Variants in SH2D4A observed in about 807,000 individuals in gnomAD.
SH2D4A encodes the protein SH2 domain containing 4A.
In SH2D4A, 70 loss-of-function variants were observed where a neutral mutation model predicts 64.7. The ratio of observed to expected loss-of-function variants is 1.08; its 90% CI spans 0.89 to 1.32. The LOEUF is 1.32. Ranked by LOEUF, SH2D4A falls within the 40% of genes most tolerant of loss-of-function variation. The pLI, the probability that SH2D4A is intolerant of heterozygous loss-of-function variation, is 0.00. For synonymous variants in SH2D4A, 268 were observed against 200.7 expected (o/e 1.34, Z -2.83); for missense variants, 706 against 540.1 (o/e 1.31, Z -3.04).
intron 1 of SH2D4A, among the ~76,000 whole-genome samples, chr8:19,317,164 A>T (rs1172387945): frequency 6.6e-6 from 1 of 152,128 alleles, no homozygotes; most frequent in Non-Finnish European, 1.5e-5. Context: ...ACTTAAGGAC[A>T]TTTACTGGAA....
At chr8:19,317,760 TA>T (rs1411042492) in intron 1 of SH2D4A, among the ~76,000 whole-genome samples, 1 of 152,156 alleles carries the variant, frequency 6.6e-6, no homozygotes, top group African/African-American at 2.4e-5. Context: ...ACGATGGTCA[TA>T]ATATAGCTAA....
intron 2 of SH2D4A, among the ~76,000 whole-genome samples, chr8:19,325,612 CCTCT>C (rs1020188853): frequency 6.6e-6 from 1 of 152,064 alleles, no homozygotes; most frequent in Non-Finnish European, 1.5e-5. Flanking sequence ...TCACTGATGT[CCTCT>C]CTCTATTTTC....
intron 2 of SH2D4A, among the ~76,000 whole-genome samples, chr8:19,327,445 C>G (rs928958858): frequency 6.6e-6 from 1 of 152,136 alleles, no homozygotes; most frequent in African/African-American, 2.4e-5. Flanking sequence ...CTTAAGAAAG[C>G]ACACTTAAGG....
intron 6 of SH2D4A, 58 bp from the exon 7 acceptor site, chr8:19,364,014 C>G (rs1299184440): frequency 9.0e-6 from 14 of 1,547,422 alleles, no homozygotes; most frequent in African/African-American, 1.4e-5. Flanking sequence ...GAATGCTGAG[C>G]CTTCTCACCT....
intron 8 of SH2D4A, among the ~76,000 whole-genome samples, chr8:19,377,804 T>C (rs545719113): frequency 1.1e-4 from 16 of 152,164 alleles, no homozygotes; most frequent in Admixed American, 5.2e-4. Flanking sequence ...TAAACACATA[T>C]GATCATTTCT....
At position 19,385,213 on chromosome 8, in the gene SH2D4A, G is replaced by GTT. The variant is rs372352861; in HGVS notation, c.1049-8092_1049-8091dup. 4.5e-3 allele frequency among the ~76,000 whole-genome samples: 633 copies of GTT among 140,496 alleles called. 8 individuals carry two copies. The highest frequency in any genetic ancestry group is 0.016 in the African/African-American group (604 of 38,222). The allele number at this position is 140,496 out of a possible 152,430, so 92.2% of individuals were successfully genotyped here. On this transcript the variant is annotated intron_variant, in intron 8 of 9. Transcript: ENST00000265807. Reference sequence around the variant, plus strand: ...TAGTTCACACTTCAGCTGTTTTTTTGTTTTTTTTTTTTTTGAGACAGAGTC... The same window carrying GTT: ...TAGTTCACACTTCAGCTGTTTTTTTGTTTTTTTTTTTTTTTTGAGACAGAGTC...
intron 2 of SH2D4A, 114 bp from the exon 3 acceptor site, chr8:19,332,841 T>C (rs1389207464): frequency 2.5e-6 from 2 of 815,746 alleles, no homozygotes; most frequent in Non-Finnish European, 3.5e-6. Context: ...TTGTCTCATC[T>C]GATATATATA....
At chr8:19,314,109 T>G in intron 1 of SH2D4A, 2 of 1,137,140 alleles carry the variant, frequency 1.8e-6, no homozygotes, top group Non-Finnish European at 2.2e-6. Context: ...GCCTGGGGGC[T>G]TGCAGGGGGT....
chr8:19,319,364 G>A lies in SH2D4A; in HGVS notation c.-184G>A, dbSNP rs561134610. The A allele has an allele frequency of 3.0e-5, 37 of 1,251,436 alleles. No homozygotes were observed. The South Asian group carries it at 3.1e-4, about 11-fold the overall frequency. The allele number at this position is 1,251,436 out of a possible 1,614,324, so 77.5% of individuals were successfully genotyped here. A position where few individuals can be genotyped will look rare whatever the true frequency, so the allele number is the denominator to read the frequency against. ...TGCAGGTTCAGTGAACAGCATTTTGGACAGGACATTTGGTGCCAGGTCTGA... is the reference window on the plus strand; with the variant it reads ...TGCAGGTTCAGTGAACAGCATTTTGAACAGGACATTTGGTGCCAGGTCTGA... On this transcript the variant is annotated 5_prime_UTR_variant, in exon 2 of 10. Transcript: ENST00000265807.
At chr8:19,338,908 T>G (rs1411481651) in intron 4 of SH2D4A, among the ~76,000 whole-genome samples, 1 of 152,162 alleles carries the variant, frequency 6.6e-6, no homozygotes, top group Non-Finnish European at 1.5e-5. Flanking sequence ...GATAGACGTA[T>G]ATATGAAAGG....
intron 4 of SH2D4A, among the ~76,000 whole-genome samples, chr8:19,347,528 C>T (rs1319456952): frequency 6.6e-6 from 1 of 152,214 alleles, no homozygotes; most frequent in Non-Finnish European, 1.5e-5. Flanking sequence ...GAAAAATAAG[C>T]TCCTCTGTGT....
chr8:19,369,206 T>A (rs528103723), intron 7 of SH2D4A, among the ~76,000 whole-genome samples: 1 of 152,284 alleles, frequency 6.6e-6, no homozygotes, highest in South Asian at 2.1e-4. Context: ...AAGGATGTTT[T>A]TGATGTGCTG....
intron 8 of SH2D4A, among the ~76,000 whole-genome samples, chr8:19,373,979 A>G (rs1051422181): frequency 6.6e-6 from 1 of 152,220 alleles, no homozygotes; most frequent in Non-Finnish European, 1.5e-5. Flanking sequence ...CTTCCATCAA[A>G]TGGCCACGTC....
intron 4 of SH2D4A, among the ~76,000 whole-genome samples, chr8:19,354,963 C>G (rs990518324): frequency 1.1e-4 from 16 of 152,320 alleles, no homozygotes; most frequent in African/African-American, 3.8e-4. Context: ...AAGTCCAGAT[C>G]TGTCTGATTC....
chr8:19,392,204 C>A (rs535525158), intron 8 of SH2D4A, among the ~76,000 whole-genome samples: 1 of 152,280 alleles, frequency 6.6e-6, no homozygotes, highest in African/African-American at 2.4e-5. Context: ...CTATATATAA[C>A]TTCATATGTG....
chr8:19,370,826 T>A (rs1021356217), intron 7 of SH2D4A, among the ~76,000 whole-genome samples: 1 of 152,136 alleles, frequency 6.6e-6, no homozygotes, highest in Non-Finnish European at 1.5e-5. Flanking sequence ...ATAGTCTTTG[T>A]GGTTAGGCAC....
At chr8:19,357,433 C>G (rs1585177517) in intron 5 of SH2D4A, 150 bp downstream of exon 5, 1 of 657,128 alleles carries the variant, frequency 1.5e-6, no homozygotes, top group East Asian at 2.7e-5. Flanking sequence ...AGTTCTGCAT[C>G]TTTACCCGTT....
chr8:19,361,589 GT>G (rs2052889192), intron 6 of SH2D4A, among the ~76,000 whole-genome samples: 1 of 152,178 alleles, frequency 6.6e-6, no homozygotes, highest in South Asian at 2.1e-4. Flanking sequence ...GTTTTGGAGA[GT>G]GTTTAATGAT....
At chr8:19,392,388 A>C (rs1433817133) in intron 8 of SH2D4A, among the ~76,000 whole-genome samples, 1 of 152,178 alleles carries the variant, frequency 6.6e-6, no homozygotes. Flanking sequence ...CACTACTGCT[A>C]TCTGGGGCTG....
Sources: allele counts gnomAD v4.1 joint callset (sites outside exome capture counted in the v4.1 genomes callset), GRCh38; gene constraint gnomAD v4.1.1; transcripts MANE v1.5; gene names NCBI Gene and HGNC (gene_info 2026-07-23, HGNC 2026-07-21).